VXN: variants seen among roughly 807,000 people sequenced by gnomAD.
VXN encodes the protein vexin.
A neutral mutation model predicts 23.1 loss-of-function variants in VXN; 7 were observed. That is an observed-to-expected ratio of 0.30 (90% CI 0.17 to 0.57). The LOEUF is 0.57. Ranked by LOEUF, VXN falls within the 20% of genes least tolerant of loss-of-function variation. The pLI, the probability that VXN is intolerant of heterozygous loss-of-function variation, is 0.91. For synonymous variants in VXN, 120 were observed against 105.8 expected (o/e 1.13, Z -0.83); for missense variants, 238 against 272.6 (o/e 0.87, Z 0.89).
intron 5 of VXN, among the ~76,000 whole-genome samples, chr8:66,515,042 G>C (rs1016159097): frequency 1.3e-5 from 2 of 152,180 alleles, no homozygotes; most frequent in South Asian, 4.1e-4. Flanking sequence ...AATTTTCTTT[G>C]ATTCTGTTAT....
intron 2 of VXN, among the ~76,000 whole-genome samples, chr8:66,504,812 G>C (rs1157723986): frequency 6.6e-6 from 1 of 152,180 alleles, no homozygotes; most frequent in Admixed American, 6.5e-5. Context: ...GCGGGTAGGA[G>C]AGCACCCCGT....
At chr8:66,511,292 T>G (rs963306237) in intron 4 of VXN, among the ~76,000 whole-genome samples, 1 of 152,212 alleles carries the variant, frequency 6.6e-6, no homozygotes, top group Non-Finnish European at 1.5e-5. Flanking sequence ...TCTTTGAGTA[T>G]CCGCTGTCAA....
chr8:66,498,751 A>C, intron 2 of VXN: 1 of 433,528 alleles, frequency 2.3e-6, no homozygotes, highest in Non-Finnish European at 4.6e-6. Flanking sequence ...GTGAGATTTC[A>C]TCACACTGCT....
intron 1 of VXN, among the ~76,000 whole-genome samples, chr8:66,494,240 A>G (rs1807600480): frequency 6.6e-6 from 1 of 152,112 alleles, no homozygotes; most frequent in Non-Finnish European, 1.5e-5. Flanking sequence ...CCACCTTGCA[A>G]ACTTAACCCG....
chr8:66,514,645 G>T (rs1335135074), intron 5 of VXN, among the ~76,000 whole-genome samples: 1 of 152,152 alleles, frequency 6.6e-6, no homozygotes, highest in East Asian at 1.9e-4. Flanking sequence ...GGACAGGCTG[G>T]TCTCAAACTC....
At chr8:66,509,088 T>C (rs1395634624) in intron 3 of VXN, among the ~76,000 whole-genome samples, 1 of 152,236 alleles carries the variant, frequency 6.6e-6, no homozygotes, top group Non-Finnish European at 1.5e-5. Flanking sequence ...CAGACAAAAA[T>C]GTGAGCTGCT....
At chr8:66,515,791 G>T in intron 5 of VXN, 102 bp from the exon 6 acceptor site, 3 of 985,926 alleles carry the variant, frequency 3.0e-6, no homozygotes, top group Non-Finnish European at 4.4e-6. Flanking sequence ...TCACTGAGGA[G>T]GAGCAGAGGA....
chr8:66,494,192 G>T (rs944625759), intron 1 of VXN, among the ~76,000 whole-genome samples: 1 of 152,160 alleles, frequency 6.6e-6, no homozygotes, highest in Non-Finnish European at 1.5e-5. Context: ...GTCAGAGAGC[G>T]CCCTGACCCT....
Position 66,507,487 on chromosome 8 carries a change from G to A in VXN, c.280+1959G>A, listed in dbSNP as rs375555956. 7.9e-5 allele frequency among the ~76,000 whole-genome samples: 12 copies of A among 152,206 alleles called. No individual in the cohort carries two copies. The South Asian group carries it at 2.1e-3, about 26-fold the overall frequency. On this transcript the variant is annotated intron_variant, in intron 3 of 5. Coordinates refer to ENST00000305454, the MANE Select transcript of VXN (RefSeq NM_152765.4). ...GCAACAGAGCCAAGATTGAATCTCC[G>A]GTCTTTTGATTCCCTAGCTAGTGCC...
intron 3 of VXN, among the ~76,000 whole-genome samples, chr8:66,508,616 T>C (rs1215746123): frequency 6.6e-6 from 1 of 152,256 alleles, no homozygotes; most frequent in Admixed American, 6.5e-5. Context: ...CCTGTGTCTC[T>C]CCACCTGGCA....
At chr8:66,496,626 CT>C in intron 2 of VXN, 134 bp downstream of exon 2, 1 of 761,064 alleles carries the variant, frequency 1.3e-6, no homozygotes, top group Non-Finnish European at 2.2e-6. Flanking sequence ...GCGTGCTGCA[CT>C]CTCCGTTCTC....
rs149442590 is a variant in VXN at position 66,518,127 on chromosome 8, A to G, written c.*2051A>G. On this transcript the variant is annotated 3_prime_UTR_variant, in exon 6 of 6. Coordinates refer to ENST00000305454, the MANE Select transcript of VXN (RefSeq NM_152765.4). Reference sequence around the variant, plus strand: ...TTCAATAGAGATGTTGGAGTCCAGAACAAAGTTAGGGAGCAAACCAGTAAC... The same window carrying G: ...TTCAATAGAGATGTTGGAGTCCAGAGCAAAGTTAGGGAGCAAACCAGTAAC... The G allele has an allele frequency of 6.6e-6, 1 of 152,352 alleles. No individual in the cohort carries two copies. The highest frequency in any genetic ancestry group is 1.9e-4 in the East Asian group (1 of 5,196). The allele number at this position is 152,352 out of a possible 1,614,324, so 9.4% of individuals were successfully genotyped here. A position where few individuals can be genotyped will look rare whatever the true frequency, so the allele number is the denominator to read the frequency against.
At chr8:66,508,501 C>G (rs1333100570) in intron 3 of VXN, among the ~76,000 whole-genome samples, 1 of 152,182 alleles carries the variant, frequency 6.6e-6, no homozygotes, top group Non-Finnish European at 1.5e-5. Flanking sequence ...CCCCACCGTT[C>G]TATCACGTAG....
intron 3 of VXN, among the ~76,000 whole-genome samples, chr8:66,507,789 T>G (rs1253613811): frequency 1.2e-4 from 13 of 109,206 alleles, no homozygotes; most frequent in South Asian, 9.6e-4. Flanking sequence ...GATTCCAGAG[T>G]GGGTGGGAGG....
intron 2 of VXN, among the ~76,000 whole-genome samples, chr8:66,499,707 C>G (rs992629140): frequency 3.9e-5 from 6 of 152,032 alleles, no homozygotes; most frequent in African/African-American, 1.5e-4. Flanking sequence ...AGGAACTCAC[C>G]ACCACGCCCA....
chr8:66,517,333 CT>C lies in VXN; in HGVS notation c.*1258del, dbSNP rs888019275. 6.6e-6 allele frequency: 1 copy of C among 152,114 alleles called. No homozygotes were observed. Among genetic ancestry groups the C allele is most frequent in the African/African-American group, 2.4e-5 (1 of 41,430 alleles). 9.4% of individuals were successfully genotyped at this position (152,114 alleles called of 1,614,324 possible). On this transcript the variant is annotated 3_prime_UTR_variant, in exon 6 of 6. Coordinates refer to ENST00000305454, the MANE Select transcript of VXN (RefSeq NM_152765.4). ...TACTAGGCAATTTATATATATCATCCTAATCTTTCTAAAAACTCTATTAGGT... is the reference window on the plus strand; with the variant it reads ...TACTAGGCAATTTATATATATCATCCAATCTTTCTAAAAACTCTATTAGGT...
intron 2 of VXN, among the ~76,000 whole-genome samples, chr8:66,503,724 G>T (rs1374333284): frequency 3.3e-5 from 5 of 152,122 alleles, no homozygotes; most frequent in Non-Finnish European, 7.3e-5. Context: ...CCTCTACTCA[G>T]ACCAGTGTGT....
At chr8:66,496,223 G>T (rs1263435070) in intron 1 of VXN, among the ~76,000 whole-genome samples, 1 of 152,172 alleles carries the variant, frequency 6.6e-6, no homozygotes, top group Non-Finnish European at 1.5e-5. Flanking sequence ...CATTTGGGTT[G>T]TTCCCAAACT....
intron 3 of VXN, 150 bp downstream of exon 3, chr8:66,505,678 G>A: frequency 9.9e-7 from 1 of 1,006,210 alleles, no homozygotes; most frequent in East Asian, 2.8e-5. Flanking sequence ...CCAAGTAAAT[G>A]CTGTTTCCAC....
Sources: allele counts gnomAD v4.1 joint callset (sites outside exome capture counted in the v4.1 genomes callset), GRCh38; gene constraint gnomAD v4.1.1; transcripts MANE v1.5; gene names NCBI Gene and HGNC (gene_info 2026-07-23, HGNC 2026-07-21).